Variants in PPFIA4 observed in about 807,000 individuals in gnomAD.
The protein encoded by PPFIA4 is PPFI scaffold protein A4.
In PPFIA4, 98 loss-of-function variants were observed where a neutral mutation model predicts 145.7. The ratio of observed to expected loss-of-function variants is 0.67; its 90% CI spans 0.57 to 0.80. The LOEUF (loss-of-function observed/expected upper bound fraction) is 0.80, where lower values mean the gene tolerates loss of function less well. Among genes scored for constraint, PPFIA4 ranks in the 30% least tolerant of loss-of-function variants. PPFIA4 has a pLI of 0.00. For synonymous variants in PPFIA4, 628 were observed against 649.6 expected, an observed-to-expected ratio of 0.97 and a Z score of 0.51; for missense variants, 1,457 against 1,632.7, an observed-to-expected ratio of 0.89 and a Z score of 1.85.
At position 203,060,477 on chromosome 1, in the gene PPFIA4, G is replaced by A; in HGVS notation, c.2784+60G>A. 6.4e-7 allele frequency: 1 copy of A among 1,562,138 alleles called. No individual in the cohort carries two copies. Among genetic ancestry groups the A allele is most frequent in the Non-Finnish European group, 8.7e-7 (1 of 1,144,820 alleles). ...GAGGTCCTGGAACATAGTTTGCAAG[G>A]TCTCCTGTTGGGCTTTGGGAAGATG... On this transcript the variant is annotated intron_variant, in intron 22 of 29. Coordinates refer to ENST00000295706, the MANE Select transcript of PPFIA4 (RefSeq NM_001304331.2). This position sits in a 1 kb window ranked among gnomAD's most constrained non-coding sequence, Gnocchi z 4.8.
chr1:203,043,151 G>A lies in PPFIA4; in HGVS notation c.235-246G>A, dbSNP rs1423928873. Among the ~76,000 whole-genome samples, 2 of 152,338 alleles carry A rather than the reference G, an allele frequency of 1.3e-5. No individual in the cohort carries two copies. Among genetic ancestry groups the A allele is most frequent in the East Asian group, 3.9e-4 (2 of 5,190 alleles). ...CAGACTCAGTGACTTTCTCACTCTT[G>A]TGTACAACTCTGTTCCCTTGGATTC... On this transcript the variant is annotated intron_variant, in intron 2 of 29. Transcript: ENST00000295706. The surrounding 1 kb of genome is among the most constrained non-coding windows in gnomAD (Gnocchi z 4.4).
intron 25 of PPFIA4, among the ~76,000 whole-genome samples, chr1:203,065,775 A>G (rs1661694757): frequency 1.3e-5 from 2 of 152,214 alleles, no homozygotes; most frequent in Admixed American, 6.5e-5. Flanking sequence ...AAACAAGTTC[A>G]ATAGAGGTTG....
chr1:203,037,107 CT>C, intron 1 of PPFIA4: 1 of 255,292 alleles, frequency 3.9e-6, no homozygotes, highest in Non-Finnish European at 8.5e-6. Flanking sequence ...GGTGCACTAA[CT>C]TTCCTCAGAT....
intron 27 of PPFIA4, among the ~76,000 whole-genome samples, chr1:203,069,832 T>A (rs1371488758): frequency 7.4e-6 from 1 of 135,160 alleles, no homozygotes; most frequent in Non-Finnish European, 1.5e-5. Flanking sequence ...GGAGCCTGGA[T>A]TTTTCCCCCA....
Position 203,043,965 on chromosome 1 carries a change from G to T in PPFIA4, c.371G>T (p.Arg124Leu), listed in dbSNP as rs561537732. 2.5e-6 allele frequency: 4 copies of T among 1,610,860 alleles called. No homozygotes were observed. In the East Asian group the frequency reaches 6.7e-5, roughly 27 times the overall value. The change falls in exon 4 of 30, where the codon CGC becomes CTC. Residue 124 changes from arginine to leucine, a missense_variant. By Grantham distance (102) the Arg-to-Leu change is moderately radical (BLOSUM62 -2). This residue lies in a region of PPFIA4 where 463 missense variants were observed against 459.8 expected (regional missense o/e 1.01). Coordinates refer to ENST00000295706, the MANE Select transcript of PPFIA4 (RefSeq NM_001304331.2). The surrounding 1 kb of genome is among the most constrained non-coding windows in gnomAD (Gnocchi z 4.4). The stretch of plus-strand genomic sequence containing the variant: ...GAACATCTGGAGTGCCTGGTGTCCC[G>T]CCATGAACGGTCACTGCGGATGACT... Reference protein sequence around the residue: ...LLEHLECLVSRHERSLRMTVV... With the variant: ...LLEHLECLVSLHERSLRMTVV...
intron 1 of PPFIA4, among the ~76,000 whole-genome samples, chr1:203,036,466 C>T (rs190268156): frequency 6.6e-6 from 1 of 152,226 alleles, no homozygotes; most frequent in Admixed American, 6.5e-5. Flanking sequence ...CTACAGTCTT[C>T]TCCAAAGTTA....
chr1:203,041,765 G>A (rs1659710939), intron 2 of PPFIA4, among the ~76,000 whole-genome samples: 1 of 152,112 alleles, frequency 6.6e-6, no homozygotes, highest in Non-Finnish European at 1.5e-5. Flanking sequence ...TCATGGTGTA[G>A]GGCTGGGTGG....
rs773317002 is a variant in PPFIA4 at position 203,059,796 on chromosome 1, G to C, written c.2528G>C (p.Arg843Thr). 123 of 1,613,500 alleles carry C rather than the reference G, an allele frequency of 7.6e-5. No homozygotes were observed. Among genetic ancestry groups the C allele is most frequent in the Non-Finnish European group, 1.0e-4 (122 of 1,179,774 alleles). The change falls in exon 21 of 30, where the codon AGG becomes ACG. Residue 843 changes from arginine (R) to threonine (T), a missense_variant. Coordinates refer to ENST00000295706, the MANE Select transcript of PPFIA4 (RefSeq NM_001304331.2). The part of the protein sequence containing the change: ...KKHQLLEDAR[R>T]KGMPFAQWDG... ...CACCAGCTGCTTGAAGATGCCCGCA[G>C]GAAAGGAATGCCCTTTGCCCAGTGG...
At chr1:203,050,176 G>T (rs556197926) in intron 13 of PPFIA4, among the ~76,000 whole-genome samples, 4 of 152,196 alleles carry the variant, frequency 2.6e-5, no homozygotes, top group Non-Finnish European at 5.9e-5. Context: ...TTCAGGCAGC[G>T]GGCAGAAAGG....
Position 203,055,679 on chromosome 1 carries a change from G to C in PPFIA4, c.2070+7G>C. On this transcript the variant is annotated splice_region_variant and intron_variant, in intron 16 of 29. Transcript: ENST00000295706. The surrounding 1 kb of genome is among the most constrained non-coding windows in gnomAD (Gnocchi z 4.8). ...AATGGGGGTCATGACCCTGGTGAGAGGCAGCTGAGGAGCAGGCCTGGCATC... is the reference window on the plus strand; with the variant it reads ...AATGGGGGTCATGACCCTGGTGAGACGCAGCTGAGGAGCAGGCCTGGCATC... 1 of 1,613,388 alleles carries C rather than the reference G, an allele frequency of 6.2e-7. No individual in the cohort carries two copies. Among genetic ancestry groups the C allele is most frequent in the East Asian group, 2.2e-5 (1 of 44,868 alleles).
chr1:203,032,946 G>A (rs782797), intron 1 of PPFIA4, among the ~76,000 whole-genome samples: 99,360 of 151,908 alleles, frequency 0.65, 32,703 homozygotes, highest in South Asian at 0.7. Context: ...GGGAAGAGGT[G>A]GCCCATGTCT....
At chr1:203,027,986 A>G in intron 1 of PPFIA4, among the ~76,000 whole-genome samples, 1 of 152,220 alleles carries the variant, frequency 6.6e-6, no homozygotes, top group Non-Finnish European at 1.5e-5. Context: ...GGGCAGCTTG[A>G]ATGATTTCCC....
chr1:203,031,446 C>T lies in PPFIA4; in HGVS notation c.-400+4817C>T, dbSNP rs540642691. 1.6e-4 allele frequency among the ~76,000 whole-genome samples: 17 copies of T among 107,308 alleles called. No individual in the cohort carries two copies. The East Asian group carries it at 2.9e-3, about 18-fold the overall frequency. 70.4% of individuals were successfully genotyped at this position (107,308 alleles called of 152,430 possible). ...ATCACACACACACTCTGTTGCATGA[C>T]GACACATGACACCCCCCCATTCTCT... On this transcript the variant is annotated intron_variant, in intron 1 of 29. Transcript: ENST00000295706.
intron 8 of PPFIA4, 85 bp from the exon 9 acceptor site, chr1:203,046,163 G>A (rs1660069013): frequency 1.3e-6 from 2 of 1,507,846 alleles, no homozygotes; most frequent in Non-Finnish European, 1.8e-6. Context: ...CTTCTGACCT[G>A]TCATCTGCTC....
chr1:203,032,512 G>A (rs1163640888), intron 1 of PPFIA4, among the ~76,000 whole-genome samples: 1 of 149,464 alleles, frequency 6.7e-6, no homozygotes, highest in East Asian at 2.0e-4. Flanking sequence ...GCTTACTGCA[G>A]CCTCCATCTC....
At chr1:203,037,371 T>C (rs1377697743) in intron 1 of PPFIA4, among the ~76,000 whole-genome samples, 7 of 152,266 alleles carry the variant, frequency 4.6e-5, no homozygotes, top group South Asian at 2.1e-4. Flanking sequence ...AAGGCTTTCA[T>C]TGTGTCTCCC....
chr1:203,059,479 G>T (rs12353975), intron 20 of PPFIA4, among the ~76,000 whole-genome samples: 26,105 of 152,198 alleles, frequency 0.17, 2,404 homozygotes, highest in African/African-American at 0.22. Context: ...GGGGTTATGG[G>T]ACAGTGACCT....
intron 24 of PPFIA4, 71 bp from the exon 25 acceptor site, chr1:203,063,757 G>A: frequency 6.5e-7 from 1 of 1,533,894 alleles, no homozygotes; most frequent in East Asian, 2.3e-5. Flanking sequence ...CTCCCGACCA[G>A]CTATACCAGC....
rs11585814 is a variant in PPFIA4 at position 203,075,926 on chromosome 1, C to T, written c.3574+169C>T. ...CGGGGAGCGTGTGTGCGCACTAACC[C>T]GCCGCTCTGTGTGTTCTCCCGCGGC... is the stretch of plus-strand genomic sequence containing the variant. On this transcript the variant is annotated intron_variant, in intron 29 of 29. Coordinates refer to ENST00000295706, the MANE Select transcript of PPFIA4 (RefSeq NM_001304331.2). The surrounding 1 kb of genome is among the most constrained non-coding windows in gnomAD (Gnocchi z 4.1). 0.18 allele frequency: 123,936 copies of T among 689,266 alleles called. 11,633 individuals are homozygous for T. The highest frequency in any genetic ancestry group is 0.19 in the African/African-American group (10,279 of 53,042). 42.7% of individuals were successfully genotyped at this position (689,266 alleles called of 1,614,324 possible). A position where few individuals can be genotyped will look rare whatever the true frequency, so the allele number is the denominator to read the frequency against.
Sources: gnomAD v4.1 joint callset for allele counts (sites outside exome capture counted in the v4.1 genomes callset) on GRCh38, gnomAD v4.1.1 for gene constraint, gnomAD v4.1.1 regional missense constraint, Gnocchi (gnomAD v3.1) non-coding constraint, MANE v1.5 for transcripts, NCBI Gene and HGNC (gene_info 2026-07-23, HGNC 2026-07-21) for gene names.